The following GPC6 variants were observed in gnomAD, a reference collection of about 807,000 sequenced individuals.
GPC6 encodes the protein glypican-6.
In GPC6, 14 loss-of-function variants were observed where a neutral mutation model predicts 55.2. The ratio of observed to expected loss-of-function variants is 0.25; its 90% CI spans 0.17 to 0.40. The LOEUF (loss-of-function observed/expected upper bound fraction) is 0.40. Among genes scored for constraint, GPC6 ranks in the 10% least tolerant of loss-of-function variants. The pLI, the probability that GPC6 is intolerant of heterozygous loss-of-function variation, is 1.00. For missense variants in GPC6, 641 were observed against 708.5 expected (o/e 0.90, Z 1.08); for synonymous variants, 278 against 259.6 (o/e 1.07, Z -0.68).
At chr13:93,633,327 A>G (rs1024054270) in intron 2 of GPC6, among the ~76,000 whole-genome samples, 1 of 152,186 alleles carries the variant, frequency 6.6e-6, no homozygotes, top group African/African-American at 2.4e-5. Context: ...TTGCCAGTGA[A>G]GAGGCAAGAT....
intron 2 of GPC6, among the ~76,000 whole-genome samples, chr13:93,822,856 T>A (rs561834332): frequency 6.5e-5 from 9 of 137,918 alleles, no homozygotes; most frequent in Middle Eastern, 3.4e-3. Flanking sequence ...TATTATTATT[T>A]TATTATTATT....
chr13:94,105,374 A>G lies in GPC6; in HGVS notation c.877+77480A>G, dbSNP rs563933545. Among the ~76,000 whole-genome samples, 3 of 152,214 alleles carry G rather than the reference A, an allele frequency of 2.0e-5. No homozygotes were observed. The East Asian group carries it at 5.8e-4, about 29-fold the overall frequency. On this transcript the variant is annotated intron_variant, in intron 4 of 8. Transcript: ENST00000377047. ...TAGAGCAAAATATCCTGTTTCAAATAAAAGGATAGAATTGATGTTCATTCA... is the reference window on the plus strand; with the variant it reads ...TAGAGCAAAATATCCTGTTTCAAATGAAAGGATAGAATTGATGTTCATTCA...
intron 1 of GPC6, among the ~76,000 whole-genome samples, chr13:93,272,912 A>C (rs1172364432): frequency 2.0e-5 from 3 of 152,196 alleles, no homozygotes; most frequent in Admixed American, 1.3e-4. Flanking sequence ...TTAGGATTTG[A>C]AAAAGCTGGT....
chr13:93,826,403 C>T (rs954542334), intron 2 of GPC6, among the ~76,000 whole-genome samples: 2 of 152,066 alleles, frequency 1.3e-5, no homozygotes, highest in African/African-American at 4.8e-5. Context: ...GCTATAATCT[C>T]GACTGACTAA....
intron 6 of GPC6, among the ~76,000 whole-genome samples, chr13:94,346,643 C>A (rs547897308): frequency 9.8e-4 from 148 of 151,528 alleles, no homozygotes; most frequent in African/African-American, 3.4e-3. Context: ...ATTGCTTGAA[C>A]CTGGGAGGCG....
intron 6 of GPC6, among the ~76,000 whole-genome samples, chr13:94,322,005 C>T (rs1047541920): frequency 1.2e-4 from 18 of 152,204 alleles, no homozygotes; most frequent in Admixed American, 6.5e-5. Flanking sequence ...GATTCTCCTT[C>T]GTACATTACT....
chr13:93,315,525 A>G (rs544351831), intron 1 of GPC6, among the ~76,000 whole-genome samples: 2 of 152,064 alleles, frequency 1.3e-5, no homozygotes, highest in Non-Finnish European at 2.9e-5. Flanking sequence ...ATATTTCATC[A>G]TTTAATTAAT....
intron 3 of GPC6, among the ~76,000 whole-genome samples, chr13:93,847,938 C>T (rs959819224): frequency 2.0e-5 from 3 of 152,054 alleles, no homozygotes; most frequent in South Asian, 2.1e-4. Context: ...TAATTCTCTT[C>T]GTTAAATTAA....
chr13:93,330,014 T>C (rs191197416), intron 1 of GPC6, among the ~76,000 whole-genome samples: 28 of 152,328 alleles, frequency 1.8e-4, no homozygotes, highest in Non-Finnish European at 3.4e-4. Flanking sequence ...AAGTTGTACT[T>C]TACTTATCAT....
At chr13:93,941,132 T>C (rs1210923565) in intron 3 of GPC6, among the ~76,000 whole-genome samples, 3 of 152,212 alleles carry the variant, frequency 2.0e-5, no homozygotes. Context: ...CTTGCTATGA[T>C]GAACCCATGA....
chr13:93,503,839 G>C (rs1157060652), intron 1 of GPC6, among the ~76,000 whole-genome samples: 2 of 152,120 alleles, frequency 1.3e-5, no homozygotes, highest in Non-Finnish European at 2.9e-5. Context: ...CAGTTACAGA[G>C]AGGTTGTGAC....
At chr13:93,264,266 TAC>T in intron 1 of GPC6, among the ~76,000 whole-genome samples, 1 of 152,236 alleles carries the variant, frequency 6.6e-6, no homozygotes, top group East Asian at 1.9e-4. Context: ...GAAAACAAAG[TAC>T]AGATATCCCT....
chr13:93,307,700 A>G (rs1450582057), intron 1 of GPC6, among the ~76,000 whole-genome samples: 1 of 152,158 alleles, frequency 6.6e-6, no homozygotes, highest in Non-Finnish European at 1.5e-5. Context: ...ACTGAGAGTA[A>G]TGAGGTGTAT....
chr13:93,749,533 CTCAATTTATTT>C (rs1884507015), intron 2 of GPC6, among the ~76,000 whole-genome samples: 1 of 151,868 alleles, frequency 6.6e-6, no homozygotes, highest in Non-Finnish European at 1.5e-5. Flanking sequence ...TATTAGGAAT[CTCAATTTATTT>C]TCAAACAGAT....
At chr13:94,011,537 G>A (rs775922899) in intron 3 of GPC6, among the ~76,000 whole-genome samples, 2 of 152,076 alleles carry the variant, frequency 1.3e-5, no homozygotes, top group Non-Finnish European at 2.9e-5. Flanking sequence ...GGCACCACAT[G>A]CCCAGTAATC....
chr13:94,126,281 G>C (rs1566439066), intron 4 of GPC6, among the ~76,000 whole-genome samples: 1 of 152,144 alleles, frequency 6.6e-6, no homozygotes, highest in African/African-American at 2.4e-5. Flanking sequence ...TATTCAGGAG[G>C]CTGAGGTGGG....
rs576737497 is a variant in GPC6, at chr13:93,374,790, A to C, written c.160+147174A>C. On this transcript the variant is annotated intron_variant, in intron 1 of 8. Transcript: ENST00000377047. ...TTCATTAGCTAAGTATGGATATGGT[A>C]ATCATATTTTTAATGTTGTTGTTGG... Among the ~76,000 whole-genome samples, 5 of 152,342 alleles carry C rather than the reference A, an allele frequency of 3.3e-5. No individual in the cohort carries two copies. In the East Asian group the frequency reaches 9.6e-4, roughly 29 times the overall value.
rs1246066203 is a variant in GPC6 at position 94,004,006 on chromosome 13, C to T, written c.712-23723C>T. On this transcript the variant is annotated intron_variant, in intron 3 of 8. Coordinates refer to ENST00000377047, the MANE Select transcript of GPC6 (RefSeq NM_005708.5). ...AAGATACAGGCAAATTAATGAACTA[C>T]TTTCTTACTAGAATAAAATAAAGTA... Among the ~76,000 whole-genome samples the T allele has an allele frequency of 3.3e-5, 5 of 152,318 alleles. No individual in the cohort carries two copies. The East Asian group carries it at 9.6e-4, about 29-fold the overall frequency.
At chr13:94,180,063 G>C (rs1888932620) in intron 4 of GPC6, among the ~76,000 whole-genome samples, 3 of 152,010 alleles carry the variant, frequency 2.0e-5, no homozygotes, top group African/African-American at 7.3e-5. Context: ...GGAGGAGGAT[G>C]TGGACATACC....
Sources: gnomAD v4.1 joint callset for allele counts (sites outside exome capture counted in the v4.1 genomes callset) on GRCh38, gnomAD v4.1.1 for gene constraint, MANE v1.5 for transcripts, NCBI Gene and HGNC (gene_info 2026-07-23, HGNC 2026-07-21) for gene names.